ANKRD42: variants seen among roughly 807,000 people sequenced by gnomAD.
ANKRD42 encodes ankyrin repeat domain-containing protein 42.
A neutral mutation model predicts 51.5 loss-of-function variants in ANKRD42; 43 were observed. The ratio of observed to expected loss-of-function variants is 0.83; its 90% CI spans 0.65 to 1.08. The LOEUF (loss-of-function observed/expected upper bound fraction) is 1.08. Ranked by LOEUF, ANKRD42 falls within the 50% of genes least tolerant of loss-of-function variation. The pLI is 0.00. For synonymous variants in ANKRD42, 203 were observed against 213.0 expected, an observed-to-expected ratio of 0.95 and a Z score of 0.41; for missense variants, 608 against 629.3, an observed-to-expected ratio of 0.97 and a Z score of 0.36.
In ANKRD42 at chr11:83,216,615, C is replaced by T. The variant is rs572627479; in HGVS notation, c.586+5185C>T. Among the ~76,000 whole-genome samples the T allele has an allele frequency of 3.3e-5, 5 of 152,192 alleles. No individual in the cohort carries two copies. The East Asian group carries it at 5.8e-4, about 18-fold the overall frequency. On this transcript the variant is annotated intron_variant, in intron 5 of 10. Transcript: ENST00000533342. ...CTGGGATTACAGGCGTGAGCCACCGCGCCCGGCCCCTTTACCATTTCTTAT... is the reference window on the plus strand; with the variant it reads ...CTGGGATTACAGGCGTGAGCCACCGTGCCCGGCCCCTTTACCATTTCTTAT...
rs1863605529 is a variant in ANKRD42 at position 83,248,329 on chromosome 11, A to G, written c.*125A>G. The G allele has an allele frequency of 8.5e-7, 1 of 1,179,986 alleles. No individual in the cohort carries two copies. The allele number at this position is 1,179,986 out of a possible 1,614,324, so 73.1% of individuals were successfully genotyped here. A position where few individuals can be genotyped will look rare whatever the true frequency, so the allele number is the denominator to read the frequency against. ...CACACACACACACACACACACACACACACACACTCTATATGTAACTATAAC... is the reference window on the plus strand; with the variant it reads ...CACACACACACACACACACACACACGCACACACTCTATATGTAACTATAAC... On this transcript the variant is annotated 3_prime_UTR_variant, in exon 11 of 11. Transcript: ENST00000533342.
At chr11:83,226,663 C>A (rs1403559332) in intron 6 of ANKRD42, among the ~76,000 whole-genome samples, 2 of 152,034 alleles carry the variant, frequency 1.3e-5, no homozygotes, top group African/African-American at 4.8e-5. Context: ...TAAAGACCAG[C>A]AAGAGTAGGG....
intron 1 of ANKRD42, among the ~76,000 whole-genome samples, chr11:83,196,396 A>AGTGTGTGTGTGTGT (rs1428938974): frequency 7.5e-6 from 1 of 133,036 alleles, no homozygotes; most frequent in African/African-American, 2.7e-5. Context: ...TGAGTGTGTG[A>AGTGTGTGTGTGTGT]GAGTGTGTGT....
rs77887876 is a variant in ANKRD42 at position 83,242,206 on chromosome 11, G to C, written c.1195+1272G>C. ...ATATCCTGGTTCTTGAAAAAAATCA[G>C]CATCAGTAATACCATACTTTGTTGG... On this transcript the variant is annotated intron_variant, in intron 9 of 10. Transcript: ENST00000533342. 8.6e-3 allele frequency among the ~76,000 whole-genome samples: 1,303 copies of C among 152,210 alleles called. 11 individuals carry two copies. The highest frequency in any genetic ancestry group is 0.013 in the Non-Finnish European group (895 of 68,018).
At chr11:83,241,041 A>G (rs892250373) in intron 9 of ANKRD42, 107 bp downstream of exon 9, 2 of 1,287,788 alleles carry the variant, frequency 1.6e-6, no homozygotes, top group Admixed American at 4.9e-5. Flanking sequence ...TACAAAGTAA[A>G]ATAATTTGAT....
chr11:83,209,026 A>G (rs17144831), intron 3 of ANKRD42, among the ~76,000 whole-genome samples: 3,208 of 152,276 alleles, frequency 0.021, 120 homozygotes, highest in African/African-American at 0.07. Flanking sequence ...GCAAATTCAG[A>G]TGGAACCTCT....
chr11:83,227,639 C>A, intron 6 of ANKRD42, 108 bp from the exon 7 acceptor site: 1 of 1,180,444 alleles, frequency 8.5e-7, no homozygotes, highest in Non-Finnish European at 1.2e-6. Context: ...CCGATTACAA[C>A]AGCCTTATAT....
intron 10 of ANKRD42, among the ~76,000 whole-genome samples, chr11:83,246,676 C>T (rs938759762): frequency 2.6e-5 from 4 of 152,124 alleles, no homozygotes; most frequent in East Asian, 1.9e-4. Flanking sequence ...TGTCTTGTTC[C>T]GTCACACTCT....
intron 1 of ANKRD42, among the ~76,000 whole-genome samples, chr11:83,195,677 T>C (rs1253644687): frequency 6.6e-6 from 1 of 152,174 alleles, no homozygotes; most frequent in Admixed American, 6.5e-5. Context: ...CTTATTACTT[T>C]TCCCTTGTTT....
downstream of ANKRD42, chr11:83,261,685 C>T (rs1351744598): frequency 5.9e-6 from 2 of 340,480 alleles, no homozygotes; most frequent in Non-Finnish European, 1.1e-5. Flanking sequence ...CAAACCAGGT[C>T]TGAGTGACAG....
intron 3 of ANKRD42, chr11:83,209,295 A>G (rs1862208800): frequency 2.8e-6 from 2 of 703,070 alleles, no homozygotes; most frequent in Non-Finnish European, 5.2e-6. Flanking sequence ...CTTCTAGGCA[A>G]TGTTAAAACA....
intron 2 of ANKRD42, among the ~76,000 whole-genome samples, chr11:83,200,847 A>T (rs1357305386): frequency 6.6e-6 from 1 of 152,184 alleles, no homozygotes. Context: ...CAAGCCATTT[A>T]ACATGGTAGA....
At position 83,245,738 on chromosome 11, in the gene ANKRD42, T is replaced by A. The variant is rs1863523387; in HGVS notation, c.1322+114T>A. 3.4e-6 allele frequency: 4 copies of A among 1,184,232 alleles called. No homozygotes were observed. In the South Asian group the frequency reaches 5.2e-5, roughly 15 times the overall value. 73.4% of individuals were successfully genotyped at this position (1,184,232 alleles called of 1,614,324 possible). A position where few individuals can be genotyped will look rare whatever the true frequency, so the allele number is the denominator to read the frequency against. On this transcript the variant is annotated intron_variant, in intron 10 of 10. Coordinates refer to ENST00000533342, the MANE Select transcript of ANKRD42 (RefSeq NM_001300975.2). ...TCTTGCCAAAGGGTGTTAGGTTCCA[T>A]CCTGTTTTTCTCCTAAGCCCTTAGA... is the stretch of plus-strand genomic sequence containing the variant.
At chr11:83,195,876 G>T (rs7114364) in intron 1 of ANKRD42, among the ~76,000 whole-genome samples, 3,067 of 121,826 alleles carry the variant, frequency 0.025, 115 homozygotes, top group African/African-American at 0.087. Flanking sequence ...ACGGAGTCTT[G>T]CTCTGTCCCC....
intron 5 of ANKRD42, among the ~76,000 whole-genome samples, chr11:83,217,361 A>G (rs987478507): frequency 1.1e-4 from 16 of 152,174 alleles, no homozygotes; most frequent in Admixed American, 1.0e-3. Context: ...CCTCCCTAAT[A>G]AGGGTGTGGG....
At chr11:83,208,184 T>C (rs1862153944) in intron 3 of ANKRD42, among the ~76,000 whole-genome samples, 1 of 151,606 alleles carries the variant, frequency 6.6e-6, no homozygotes, top group South Asian at 2.1e-4. Context: ...TCACCTTGCC[T>C]GGCTAATTTT....
Position 83,242,567 on chromosome 11 carries a change from G to GTTTTTTTTTTGTTTGTTTGTTTTTTT in ANKRD42, c.1195+1643_1195+1644insGTTTGTTTGTTTTTTTTTTTTTTTTT, listed in dbSNP as rs770772334. 4.6e-4 allele frequency among the ~76,000 whole-genome samples: 53 copies of GTTTTTTTTTTGTTTGTTTGTTTTTTT among 115,528 alleles called. 1 individual carries two copies. The highest frequency in any genetic ancestry group is 1.6e-3 in the African/African-American group (47 of 28,914). 75.8% of individuals were successfully genotyped at this position (115,528 alleles called of 152,430 possible). On this transcript the variant is annotated intron_variant, in intron 9 of 10. Transcript: ENST00000533342. ...GGGGAATTCGGTGAATGGTAGTTAA[G>GTTTTTTTTTTGTTTGTTTGTTTTTTT]TTTTTTTTTTTTTTTTTTAGATGGA...
chr11:83,212,367 C>A (rs1312217745), intron 5 of ANKRD42, among the ~76,000 whole-genome samples: 1 of 152,198 alleles, frequency 6.6e-6, no homozygotes, highest in Non-Finnish European at 1.5e-5. Context: ...AGGCAGGAGC[C>A]ACCATGCCTG....
intron 7 of ANKRD42, among the ~76,000 whole-genome samples, chr11:83,233,953 G>C (rs1863155040): frequency 6.6e-6 from 1 of 152,240 alleles, no homozygotes; most frequent in Non-Finnish European, 1.5e-5. Context: ...GAAGTGCTGG[G>C]ATTACAGGCA....
Sources: gnomAD v4.1 joint callset for allele counts (sites outside exome capture counted in the v4.1 genomes callset) on GRCh38, gnomAD v4.1.1 for gene constraint, MANE v1.5 for transcripts, NCBI Gene and HGNC (gene_info 2026-07-23, HGNC 2026-07-21) for gene names.